CELF3: variants seen among roughly 807,000 people sequenced by gnomAD.
CELF3 encodes CUGBP Elav-like family member 3, also known as CAG repeat domain.
Under a neutral mutation model 59.6 loss-of-function variants are expected in CELF3, and 26 were observed. That is an observed-to-expected ratio of 0.44 (90% confidence interval 0.32 to 0.61). The LOEUF (loss-of-function observed/expected upper bound fraction) is 0.61, where lower values mean the gene tolerates loss of function less well. CELF3 is among the 20% of genes least tolerant of loss of function. CELF3 has a pLI of 0.06. For missense variants in CELF3, 387 were observed against 627.2 expected, an observed-to-expected ratio of 0.62 and a Z score of 4.09; for synonymous variants, 245 against 250.7, an observed-to-expected ratio of 0.98 and a Z score of 0.22.
rs1254962698 is a variant in CELF3 at position 151,700,101 on chromosome 1, G to T, written c.*3358C>A. ...AACATTTATTAGGTATCTGCTGTTG[G>T]GGGTGGGGTGGGGAGATTGTTTGAG... is the stretch of plus-strand genomic sequence containing the variant. On this transcript the variant is annotated 3_prime_UTR_variant, in exon 13 of 13. Coordinates refer to ENST00000290583, the MANE Select transcript of CELF3 (RefSeq NM_007185.7). 6.6e-6 allele frequency among the ~76,000 whole-genome samples: 1 copy of T among 152,176 alleles called. No homozygotes were observed. The highest frequency in any genetic ancestry group is 1.5e-5 in the Non-Finnish European group (1 of 68,028).
chr1:151,707,328 G>T, intron 7 of CELF3, 34 bp from the exon 8 acceptor site: 1 of 1,560,982 alleles, frequency 6.4e-7, no homozygotes, highest in East Asian at 2.4e-5. Context: ...AGAGAGCAGA[G>T]GAGCAGACAC....
At position 151,716,640 on chromosome 1, in the gene CELF3, C is replaced by T. The variant is rs1446887188; in HGVS notation, c.-620G>A. 7 of 375,680 alleles carry T rather than the reference C, an allele frequency of 1.9e-5. No individual in the cohort carries two copies. Among genetic ancestry groups the T allele is most frequent in the Non-Finnish European group, 3.8e-5 (7 of 182,190 alleles). 23.3% of individuals were successfully genotyped at this position (375,680 alleles called of 1,614,324 possible). On this transcript the variant is annotated 5_prime_UTR_variant, in exon 1 of 13. Coordinates refer to ENST00000290583, the MANE Select transcript of CELF3 (RefSeq NM_007185.7). ...CAGGGCTCCAGGGGTCCCTTTTGCC[C>T]TGCCGCCCCCCTTCAGGTCCTCCCC...
rs752809760 is a variant in CELF3, at chr1:151,715,913, C to A, written c.108G>T (p.Leu36=). The change falls in exon 1 of 13, where the codon CTG becomes CTT. Residue 36 remains leucine (L), a synonymous_variant. Transcript: ENST00000290583. ...CGGTGTACTTGTCCTTGATGACAGT[C>A]AGCTCAAAGATCCGACCAAACTGTT... ...IFEQFGRIFE[L]TVIKDKYTGL... is the part of the protein sequence containing the mutation. The A allele has an allele frequency of 3.0e-5, 48 of 1,614,138 alleles. No individual in the cohort carries two copies. The South Asian group carries it at 5.2e-4, about 17-fold the overall frequency.
In CELF3 at chr1:151,714,615, G is replaced by A. The variant is rs1673309257; in HGVS notation, c.207C>T (p.His69=). 13 of 1,558,278 alleles carry A rather than the reference G, an allele frequency of 8.3e-6. No individual in the cohort carries two copies. The highest frequency in any genetic ancestry group is 1.4e-5 in the African/African-American group (1 of 73,390). The change falls in exon 2 of 13, where the codon CAC becomes CAT. Residue 69 remains histidine (H), a synonymous_variant. Transcript: ENST00000290583. The part of the protein sequence containing the change: ...DSALKAQSAL[H]EQKTLPGMNR... ...TCACCCCTGGAAGCGTCTTCTGTTC[G>A]TGCAGGGCGCTCTGGGCCTTCAGGG...
At chr1:151,713,940 C>G (rs1174404619) in intron 2 of CELF3, among the ~76,000 whole-genome samples, 4 of 152,194 alleles carry the variant, frequency 2.6e-5, no homozygotes, top group Non-Finnish European at 5.9e-5. Flanking sequence ...CCCCTGCCTC[C>G]CTGGGCATAC....
At chr1:151,710,999 C>T (rs1279267096) in intron 2 of CELF3, 1 of 366,962 alleles carries the variant, frequency 2.7e-6, no homozygotes. Flanking sequence ...GGCAGTAGTT[C>T]CAGTGACCAG....
chr1:151,703,181 AC>A lies in CELF3; in HGVS notation c.*277del, dbSNP rs1558094079. On this transcript the variant is annotated 3_prime_UTR_variant, in exon 13 of 13. Transcript: ENST00000290583. The stretch of plus-strand genomic sequence containing the variant: ...CACAGGAGCCCAGCAGAAGGCAGAT[AC>A]CCCGGAGCCTTCGAGCCTGTTCCTC... The A allele has an allele frequency of 2.2e-6, 1 of 458,438 alleles. No individual in the cohort carries two copies. The highest frequency in any genetic ancestry group is 4.4e-6 in the Non-Finnish European group (1 of 228,546). The allele number at this position is 458,438 out of a possible 1,614,324, so 28.4% of individuals were successfully genotyped here. A position where few individuals can be genotyped will look rare whatever the true frequency, so the allele number is the denominator to read the frequency against.
In CELF3 at chr1:151,701,970, G is replaced by A. The variant is rs904686762; in HGVS notation, c.*1489C>T. Among the ~76,000 whole-genome samples the A allele has an allele frequency of 2.0e-5, 3 of 152,190 alleles. No homozygotes were observed. Among genetic ancestry groups the A allele is most frequent in the African/African-American group, 7.2e-5 (3 of 41,446 alleles). ...AAACTATAGCCTGCCTCACAAGGTTGTTAGGAGGTAAAATGAGGAAATGCA... is the reference window on the plus strand; with the variant it reads ...AAACTATAGCCTGCCTCACAAGGTTATTAGGAGGTAAAATGAGGAAATGCA... On this transcript the variant is annotated 3_prime_UTR_variant, in exon 13 of 13. Coordinates refer to ENST00000290583, the MANE Select transcript of CELF3 (RefSeq NM_007185.7).
intron 2 of CELF3, among the ~76,000 whole-genome samples, chr1:151,712,417 C>T (rs1212166389): frequency 2.0e-5 from 3 of 152,254 alleles, no homozygotes; most frequent in African/African-American, 7.2e-5. Context: ...CCTGGCTCCA[C>T]ACTTGTTCCC....
intron 1 of CELF3, chr1:151,715,525 C>T: frequency 2.1e-6 from 2 of 935,154 alleles, no homozygotes; most frequent in Admixed American, 2.3e-5. Context: ...TGCACACGCA[C>T]ACACACACAC....
Position 151,705,801 on chromosome 1 carries a change from T to C in CELF3, c.1270+21A>G. On this transcript the variant is annotated intron_variant, in intron 11 of 12. Coordinates refer to ENST00000290583, the MANE Select transcript of CELF3 (RefSeq NM_007185.7). This position sits in a 1 kb window ranked among gnomAD's most constrained non-coding sequence, Gnocchi z 5.1. ...TCCTGATTTGGAGTATGGCAAAAAA[T>C]GTGCCATATCATATTCTTACCAAAA... The C allele has an allele frequency of 6.2e-7, 1 of 1,612,232 alleles. No individual in the cohort carries two copies. Among genetic ancestry groups the C allele is most frequent in the Non-Finnish European group, 8.5e-7 (1 of 1,178,770 alleles).
Position 151,707,935 on chromosome 1 carries a change from C to T in CELF3, c.487G>A (p.Gly163Ser). 6.2e-7 allele frequency: 1 copy of T among 1,610,392 alleles called. No homozygotes were observed. Among genetic ancestry groups the T allele is most frequent in the Non-Finnish European group, 8.5e-7 (1 of 1,177,504 alleles). ...TTCACCACCAGGCTGGACGAGGCAC[C>T]CTGGGCACGGGCCCACACACAGGTC... ...NTLHSSRTLPGASSSLVVKFA... is the reference protein window; with the variant it reads ...NTLHSSRTLPSASSSLVVKFA... Residue 163 changes from glycine (G) to serine (S), a missense_variant and splice_region_variant, in exon 6 of 13, where the codon GGT becomes AGT. By Grantham distance (56) the Gly-to-Ser change is moderately conservative (BLOSUM62 0). Coordinates refer to ENST00000290583, the MANE Select transcript of CELF3 (RefSeq NM_007185.7).
chr1:151,707,155 G>T lies in CELF3; in HGVS notation c.912C>A (p.His304Gln). ...APDALYPNGV[H>Q]PYPAQSPAAP... ...GGCAGAGAGTCCCACCTGGGTAGGG[G>T]TGAACCCCGTTGGGATACAGAGCAT... Residue 304 changes from histidine to glutamine, a missense_variant, in exon 8 of 13, where the codon CAC becomes CAA. This residue lies in a region of CELF3 where 131 missense variants were observed against 153.7 expected (regional missense o/e 0.85). Transcript: ENST00000290583. 1 of 1,509,370 alleles carries T rather than the reference G, an allele frequency of 6.6e-7. No homozygotes were observed. The highest frequency in any genetic ancestry group is 8.8e-7 in the Non-Finnish European group (1 of 1,133,626). 93.5% of individuals were successfully genotyped at this position (1,509,370 alleles called of 1,614,324 possible). A position where few individuals can be genotyped will look rare whatever the true frequency, so the allele number is the denominator to read the frequency against.
intron 2 of CELF3, among the ~76,000 whole-genome samples, chr1:151,713,218 G>C (rs1673174280): frequency 6.6e-6 from 1 of 152,126 alleles, no homozygotes; most frequent in African/African-American, 2.4e-5. Flanking sequence ...TCATTAACCA[G>C]GCGCCCTTCT....
chr1:151,705,718 G>A lies in CELF3; in HGVS notation c.1270+104C>T. 2 of 1,264,642 alleles carry A rather than the reference G, an allele frequency of 1.6e-6. No individual in the cohort carries two copies. The highest frequency in any genetic ancestry group is 1.1e-6 in the Non-Finnish European group (1 of 897,720). 78.3% of individuals were successfully genotyped at this position (1,264,642 alleles called of 1,614,324 possible). A position where few individuals can be genotyped will look rare whatever the true frequency, so the allele number is the denominator to read the frequency against. ...GCTCTTTTGTACTCTTGGATAATCA[G>A]TATTTCAAATACTGGGTCCACTGTG... On this transcript the variant is annotated intron_variant, in intron 11 of 12. Coordinates refer to ENST00000290583, the MANE Select transcript of CELF3 (RefSeq NM_007185.7). The surrounding 1 kb of genome is among the most constrained non-coding windows in gnomAD (Gnocchi z 5.1).
chr1:151,711,687 G>A (rs572420874), intron 2 of CELF3, among the ~76,000 whole-genome samples: 1 of 152,290 alleles, frequency 6.6e-6, no homozygotes, highest in African/African-American at 2.4e-5. Flanking sequence ...TCTAGCCAAA[G>A]CACTCAGGAA....
At chr1:151,703,878 G>C (rs1672291698) in intron 12 of CELF3, among the ~76,000 whole-genome samples, 1 of 152,184 alleles carries the variant, frequency 6.6e-6, no homozygotes, top group East Asian at 1.9e-4. Flanking sequence ...TCACGGCTCA[G>C]GGATGGAGTC....
At position 151,700,230 on chromosome 1, in the gene CELF3, AG is replaced by A. The variant is rs1447006088; in HGVS notation, c.*3228del. Among the ~76,000 whole-genome samples the A allele has an allele frequency of 6.6e-6, 1 of 152,338 alleles. No individual in the cohort carries two copies. Among genetic ancestry groups the A allele is most frequent in the Non-Finnish European group, 1.5e-5 (1 of 68,028 alleles). On this transcript the variant is annotated 3_prime_UTR_variant, in exon 13 of 13. Transcript: ENST00000290583. ...CATGGCCATGATACACAGCAGTGAA[AG>A]GTTTAAGTGCCATAAGGACTAGAAA...
At position 151,702,034 on chromosome 1, in the gene CELF3, GT is replaced by G. The variant is rs1672110026; in HGVS notation, c.*1424del. On this transcript the variant is annotated 3_prime_UTR_variant, in exon 13 of 13. Transcript: ENST00000290583. ...GAACAGAATCACATATGGAGCAGTG[GT>G]TAGTAAATGGTGGTGTCACAACTGG... Among the ~76,000 whole-genome samples the G allele has an allele frequency of 6.6e-6, 1 of 152,228 alleles. No individual in the cohort carries two copies. Among genetic ancestry groups the G allele is most frequent in the African/African-American group, 2.4e-5 (1 of 41,452 alleles).
Sources: allele counts gnomAD v4.1 joint callset (sites outside exome capture counted in the v4.1 genomes callset), GRCh38; gene constraint gnomAD v4.1.1; regional missense constraint gnomAD v4.1.1; non-coding constraint Gnocchi (gnomAD v3.1); transcripts MANE v1.5; gene names NCBI Gene and HGNC (gene_info 2026-07-23, HGNC 2026-07-21).